TRAF5: variants seen among roughly 807,000 people sequenced by gnomAD.
TRAF5 encodes the protein TNF receptor associated factor 5.
A neutral mutation model predicts 64.5 loss-of-function variants in TRAF5; 48 were observed. The ratio of observed to expected loss-of-function variants is 0.74; its 90% CI spans 0.59 to 0.95. The LOEUF (loss-of-function observed/expected upper bound fraction) is 0.95. Ranked by LOEUF, TRAF5 falls within the 40% of genes least tolerant of loss-of-function variation. The pLI is 0.00. For synonymous variants in TRAF5, 206 were observed against 240.5 expected (o/e 0.86, Z 1.33); for missense variants, 545 against 662.8 (o/e 0.82, Z 1.95).
intron 1 of TRAF5, among the ~76,000 whole-genome samples, chr1:211,333,298 C>T (rs1276074586): frequency 7.0e-6 from 1 of 142,656 alleles, no homozygotes; most frequent in Non-Finnish European, 1.5e-5. Context: ...AAGCGATTCT[C>T]CTGCCTCAGC....
At chr1:211,369,385 C>T in intron 8 of TRAF5, 67 bp from the exon 9 acceptor site, 2 of 1,316,046 alleles carry the variant, frequency 1.5e-6, no homozygotes, top group East Asian at 2.7e-5. Context: ...CAAGTGCATG[C>T]ATATTTTAAC....
intron 1 of TRAF5, among the ~76,000 whole-genome samples, chr1:211,334,529 G>A (rs1402886644): frequency 6.6e-6 from 1 of 152,120 alleles, no homozygotes; most frequent in Non-Finnish European, 1.5e-5. Flanking sequence ...TTGGTGGCAC[G>A]CACCTGTAGT....
At chr1:211,371,555 A>G in intron 10 of TRAF5, 85 bp downstream of exon 10, 1 of 1,319,698 alleles carries the variant, frequency 7.6e-7, no homozygotes, top group South Asian at 1.3e-5. Context: ...CCAAATAGAG[A>G]GTCACATCTG....
At chr1:211,369,673 AAAT>A (rs1462784018) in intron 9 of TRAF5, 81 bp downstream of exon 9, 1 of 1,303,662 alleles carries the variant, frequency 7.7e-7, no homozygotes, top group African/African-American at 1.5e-5. Flanking sequence ...TCTTAAATAG[AAAT>A]AATTTAAAAT....
chr1:211,335,318 A>C (rs1702262311), intron 1 of TRAF5, among the ~76,000 whole-genome samples: 1 of 152,152 alleles, frequency 6.6e-6, no homozygotes, highest in African/African-American at 2.4e-5. Flanking sequence ...AGGGTCTGCA[A>C]ACGTGGGCTG....
In TRAF5 at chr1:211,360,783, A is replaced by G. The variant is rs1426466077; in HGVS notation, c.621+4A>G. ...GAAGATTATTCTAAAAACTGAGGTAACTGCAAATAATCCTCTCTGTAGATT... is the reference window on the plus strand; with the variant it reads ...GAAGATTATTCTAAAAACTGAGGTAGCTGCAAATAATCCTCTCTGTAGATT... On this transcript the variant is annotated splice_donor_region_variant and intron_variant, in intron 6 of 10. Coordinates refer to ENST00000261464, the MANE Select transcript of TRAF5 (RefSeq NM_001033910.3). 2 of 1,609,114 alleles carry G rather than the reference A, an allele frequency of 1.2e-6. No individual in the cohort carries two copies. The highest frequency in any genetic ancestry group is 1.7e-6 in the Non-Finnish European group (2 of 1,175,606).
intron 4 of TRAF5, 119 bp downstream of exon 4, chr1:211,356,587 A>G: frequency 1.2e-6 from 1 of 861,152 alleles, no homozygotes; most frequent in South Asian, 1.6e-5. Context: ...AATTGCCCTC[A>G]AGGATTCCCA....
intron 9 of TRAF5, among the ~76,000 whole-genome samples, chr1:211,369,840 G>C (rs764386865): frequency 6.6e-6 from 1 of 152,082 alleles, no homozygotes; most frequent in African/African-American, 2.4e-5. Flanking sequence ...GTGTGTGTGC[G>C]TGTGCATGTG....
Position 211,365,386 on chromosome 1 carries a change from G to A in TRAF5, c.707G>A (p.Arg236Lys). 6.2e-7 allele frequency: 1 copy of A among 1,613,518 alleles called. No individual in the cohort carries two copies. Among genetic ancestry groups the A allele is most frequent in the Non-Finnish European group, 8.5e-7 (1 of 1,179,782 alleles). Reference protein sequence around the residue: ...HYGCAVTDKRRNLQQHEHSAL... With the variant: ...HYGCAVTDKRKNLQQHEHSAL... ...CTCTTCATATTGAAGGATAAACGGA[G>A]GAACCTGCAGCAACATGAGCATTCA... Residue 236 changes from arginine (R) to lysine (K), a missense_variant, in exon 8 of 11, where the codon AGG becomes AAG. Arg to Lys is a conservative substitution (Grantham distance 26). Transcript: ENST00000261464.
At chr1:211,337,162 A>G (rs564650940) in intron 1 of TRAF5, among the ~76,000 whole-genome samples, 1 of 152,380 alleles carries the variant, frequency 6.6e-6, no homozygotes, top group East Asian at 1.9e-4. Context: ...TTAGGCAGTA[A>G]TAAGTGCATT....
chr1:211,370,975 T>C (rs940156143), intron 9 of TRAF5, among the ~76,000 whole-genome samples: 2 of 151,912 alleles, frequency 1.3e-5, no homozygotes, highest in African/African-American at 4.8e-5. Context: ...AAAGAAGTGA[T>C]AGGGCAAGAG....
intron 3 of TRAF5, among the ~76,000 whole-genome samples, chr1:211,355,640 G>A (rs1481590519): frequency 2.0e-5 from 3 of 152,150 alleles, no homozygotes; most frequent in Non-Finnish European, 4.4e-5. Context: ...ACAGTCTTGG[G>A]ACAAATCCAG....
chr1:211,357,760 C>T (rs1181517799), intron 4 of TRAF5: 2 of 152,176 alleles, frequency 1.3e-5, no homozygotes, highest in African/African-American at 4.8e-5. Flanking sequence ...AGGAGAATAG[C>T]TGCATTTGTT....
chr1:211,360,573 T>C (rs1272383450), intron 5 of TRAF5, 129 bp from the exon 6 acceptor site: 8 of 652,272 alleles, frequency 1.2e-5, no homozygotes, highest in Non-Finnish European at 2.1e-5. Flanking sequence ...TAATCCTTTT[T>C]TGGAATTAGG....
In TRAF5 at chr1:211,372,494, A is replaced by G. The variant is rs1171710235; in HGVS notation, c.1466A>G (p.Gln489Arg). ...RQRVTLMLLDQSGKKNIMETF... is the reference protein window; with the variant it reads ...RQRVTLMLLDRSGKKNIMETF... ...AGGGTGACCCTGATGCTTCTGGACCAGAGTGGCAAAAAGAACATTATGGAG... is the reference window on the plus strand; with the variant it reads ...AGGGTGACCCTGATGCTTCTGGACCGGAGTGGCAAAAAGAACATTATGGAG... Residue 489 changes from glutamine (Q) to arginine (R), a missense_variant, in exon 11 of 11, where the codon CAG becomes CGG. Coordinates refer to ENST00000261464, the MANE Select transcript of TRAF5 (RefSeq NM_001033910.3). 6.2e-7 allele frequency: 1 copy of G among 1,614,214 alleles called. No individual in the cohort carries two copies. The highest frequency in any genetic ancestry group is 2.2e-5 in the East Asian group (1 of 44,888).
Position 211,371,287 on chromosome 1 carries a change from ATT to A in TRAF5, c.931-12_931-11del. ...ACTAATTTTTTAAACATGATTATCCATTTTGTAATGAAAGGTTTTTGCCAGTC... is the reference window on the plus strand; with the variant it reads ...ACTAATTTTTTAAACATGATTATCCATTGTAATGAAAGGTTTTTGCCAGTC... On this transcript the variant is annotated splice_polypyrimidine_tract_variant and intron_variant, in intron 9 of 10. Transcript: ENST00000261464. The A allele has an allele frequency of 1.9e-6, 3 of 1,568,054 alleles. No homozygotes were observed. Among genetic ancestry groups the A allele is most frequent in the Non-Finnish European group, 2.6e-6 (3 of 1,165,802 alleles).
In TRAF5 at chr1:211,372,137, A is replaced by G; in HGVS notation, c.1109A>G (p.Glu370Gly). Residue 370 changes from glutamate (E) to glycine (G), a missense_variant, in exon 11 of 11, where the codon GAA (glutamate) becomes GGA (glycine). Glu to Gly is a moderately conservative substitution (Grantham distance 98). Coordinates refer to ENST00000261464, the MANE Select transcript of TRAF5 (RefSeq NM_001033910.3). ...TTTTTCTTATTTGCAGCCGTTTTAG[A>G]AGAGGAAACTAACAAACATGATACC... ...ENNDQRLAVL[E>G]EETNKHDTHI... The G allele has an allele frequency of 1.9e-6, 3 of 1,561,362 alleles. No homozygotes were observed. The highest frequency in any genetic ancestry group is 1.7e-6 in the Non-Finnish European group (2 of 1,154,880).
chr1:211,358,856 T>C (rs1703076770), intron 4 of TRAF5: 1 of 148,344 alleles, frequency 6.7e-6, no homozygotes. Flanking sequence ...ATATTGTTTA[T>C]AATAAATACA....
rs1462833029 is a variant in TRAF5 at position 211,354,453 on chromosome 1, A to G, written c.262A>G (p.Ile88Val). 3 of 1,614,180 alleles carry G rather than the reference A, an allele frequency of 1.9e-6. No homozygotes were observed. Among genetic ancestry groups the G allele is most frequent in the Admixed American group, 1.7e-5 (1 of 60,032 alleles). ...AATCTGCCCTGTAGATAAAGAGGTC[A>G]TCAAATCTCAGGAGGTAAGAAAGTC... Reference protein sequence around the residue: ...VPICPVDKEVIKSQEVFKDNC... With the variant: ...VPICPVDKEVVKSQEVFKDNC... The change falls in exon 3 of 11, where the codon ATC becomes GTC. Residue 88 changes from isoleucine to valine, a missense_variant. Ile to Val is a conservative substitution (Grantham distance 29). Transcript: ENST00000261464.
Sources: allele counts gnomAD v4.1 joint callset (sites outside exome capture counted in the v4.1 genomes callset), GRCh38; gene constraint gnomAD v4.1.1; transcripts MANE v1.5; gene names NCBI Gene and HGNC (gene_info 2026-07-23, HGNC 2026-07-21).